Variants in PGAP2 observed in about 807,000 individuals in gnomAD.
PGAP2 encodes post-GPI attachment to proteins 2.
A neutral mutation model predicts 33.2 loss-of-function variants in PGAP2; 21 were observed. That is an observed-to-expected ratio of 0.63 (90% CI 0.45 to 0.91). The LOEUF (loss-of-function observed/expected upper bound fraction) is 0.91. PGAP2 is among the 40% of genes least tolerant of loss of function. The probability of loss-of-function intolerance (pLI) is 0.00; values close to 1 mark genes in which losing one functional copy is unlikely to be tolerated. For missense variants in PGAP2, 345 were observed against 424.0 expected, an observed-to-expected ratio of 0.81 and a Z score of 1.64; for synonymous variants, 161 against 172.9, an observed-to-expected ratio of 0.93 and a Z score of 0.54.
intron 5 of PGAP2, chr11:3,824,788 C>G (rs2089703794): frequency 2.1e-6 from 3 of 1,431,934 alleles, no homozygotes; most frequent in Non-Finnish European, 2.7e-6. Context: ...TACTCCATCC[C>G]CCTGAAGTGG....
intron 3 of PGAP2, among the ~76,000 whole-genome samples, chr11:3,822,047 A>T (rs1446469794): frequency 6.6e-6 from 1 of 151,254 alleles, no homozygotes; most frequent in East Asian, 2.0e-4. Context: ...AACCGAAGTG[A>T]GACCCTGTCT....
chr11:3,811,993 G>T lies in PGAP2; in HGVS notation c.165+569G>T, dbSNP rs2134386936. Among the ~76,000 whole-genome samples, 2 of 152,254 alleles carry T rather than the reference G, an allele frequency of 1.3e-5. No individual in the cohort carries two copies. On this transcript the variant is annotated intron_variant, in intron 2 of 6. Transcript: ENST00000278243. The surrounding 1 kb of genome is among the most constrained non-coding windows in gnomAD (Gnocchi z 4.6). ...GTTTGAGTGGGTCGTGTGTGAGAGA[G>T]ACTATATCTGTGCCTGTCTGTATGG...
At chr11:3,814,834 TTTTCCTTCTTTC>T (rs2086612636) in intron 2 of PGAP2, among the ~76,000 whole-genome samples, 2 of 149,602 alleles carry the variant, frequency 1.3e-5, no homozygotes, top group African/African-American at 2.4e-5. Context: ...TTTTTTCTTT[TTTTCCTTCTTTC>T]TTTCCTTCTT....
At chr11:3,805,257 TTC>T (rs1301560850), upstream of PGAP2, among the ~76,000 whole-genome samples, 2 of 148,114 alleles carry the variant, frequency 1.4e-5, no homozygotes, top group African/African-American at 5.0e-5. Flanking sequence ...GATGTGGATA[TTC>T]TTTTTTTTTT....
chr11:3,810,042 C>T (rs1363108811), intron 1 of PGAP2, among the ~76,000 whole-genome samples: 1 of 152,168 alleles, frequency 6.6e-6, no homozygotes, highest in African/African-American at 2.4e-5. Flanking sequence ...TGGAGCCAGC[C>T]CTAGCTTGGC....
intron 2 of PGAP2, among the ~76,000 whole-genome samples, chr11:3,813,538 C>A (rs1045646478): frequency 6.6e-6 from 1 of 152,138 alleles, no homozygotes; most frequent in Non-Finnish European, 1.5e-5. Flanking sequence ...TATGCACAAC[C>A]ATGCCCAGCT....
chr11:3,823,741 G>T (rs749027736), intron 3 of PGAP2, 142 bp from the exon 4 acceptor site: 1 of 1,598,650 alleles, frequency 6.3e-7, no homozygotes, highest in South Asian at 1.1e-5. Flanking sequence ...TTTGGGAGAG[G>T]TATGGGGACA....
At chr11:3,803,349 G>A (rs563478214) in intron 1 of PGAP2, among the ~76,000 whole-genome samples, 12 of 146,268 alleles carry the variant, frequency 8.2e-5, no homozygotes, top group South Asian at 2.2e-4. Context: ...GGATGGTCTC[G>A]ATCTCCTGAC....
At position 3,809,895 on chromosome 11, in the gene PGAP2, AG is replaced by A. The variant is rs1379467727; in HGVS notation, c.-11+1246del. Among the ~76,000 whole-genome samples, 8 of 152,248 alleles carry A rather than the reference AG, an allele frequency of 5.3e-5. 1 individual carries two copies. ...GCCACCTGGCTTGTTCTGGAATGCC[AG>A]GATGGCAACCTAACTGAGATCAGGG... On this transcript the variant is annotated intron_variant, in intron 1 of 6. Transcript: ENST00000278243.
intron 2 of PGAP2, among the ~76,000 whole-genome samples, chr11:3,814,586 T>C (rs1281180934): frequency 6.6e-6 from 1 of 151,918 alleles, no homozygotes. Context: ...CTTCTTTTTT[T>C]TCTTTTAACA....
intron 1 of PGAP2, chr11:3,798,024 G>T: frequency 6.5e-7 from 1 of 1,536,934 alleles, no homozygotes; most frequent in Non-Finnish European, 8.8e-7. Flanking sequence ...CGCCGGCGCT[G>T]CTGGGAAGGC....
chr11:3,815,017 G>A (rs150835141), intron 2 of PGAP2, among the ~76,000 whole-genome samples: 4,882 of 148,418 alleles, frequency 0.033, 283 homozygotes, highest in African/African-American at 0.11. Context: ...GGCTCACTGC[G>A]ACCTCTGCCT....
At position 3,823,906 on chromosome 11, in the gene PGAP2, G is replaced by T; in HGVS notation, c.372G>T (p.Val124=). Residue 124 remains valine (V), a synonymous_variant, in exon 4 of 7, where the codon GTG becomes GTT. Coordinates refer to ENST00000278243, the MANE Select transcript of PGAP2 (RefSeq NM_014489.4). ...DCGVPNYLPS[V]SSAIGGEVPQ... ...AGGTGCCCAATTACCTGCCCTCGGT[G>T]AGCTCAGCCATCGGCGGGGAGGTGC... The T allele has an allele frequency of 6.2e-7, 1 of 1,605,392 alleles. No homozygotes were observed.
At chr11:3,797,895 C>A (rs1473173930) in exon 1 of PGAP2, 2 of 1,549,092 alleles carry the variant, frequency 1.3e-6, no homozygotes, top group Non-Finnish European at 8.7e-7. Flanking sequence ...GGTGACGCAA[C>A]ATAGAGACTC....
intron 2 of PGAP2, among the ~76,000 whole-genome samples, chr11:3,815,455 C>T (rs2086799675): frequency 6.6e-6 from 1 of 152,112 alleles, no homozygotes; most frequent in South Asian, 2.1e-4. Context: ...ATTACAGGCA[C>T]ACCGCCACCA....
chr11:3,800,681 A>G (rs1324221207), intron 1 of PGAP2, among the ~76,000 whole-genome samples: 2 of 151,572 alleles, frequency 1.3e-5, no homozygotes, highest in African/African-American at 4.9e-5. Context: ...GCGTGGTGGC[A>G]CATACCTGTA....
chr11:3,811,120 G>T lies in PGAP2; in HGVS notation c.-10-130G>T. On this transcript the variant is annotated intron_variant, in intron 1 of 6. Coordinates refer to ENST00000278243, the MANE Select transcript of PGAP2 (RefSeq NM_014489.4). The surrounding 1 kb of genome is among the most constrained non-coding windows in gnomAD (Gnocchi z 4.6). ...CAGGGCAAGAGCTATCCAAGTTTAG[G>T]TGCCTTCCTCCTCAGACTCCCCACC... 1 of 708,622 alleles carries T rather than the reference G, an allele frequency of 1.4e-6. No homozygotes were observed. The highest frequency in any genetic ancestry group is 2.0e-5 in the South Asian group (1 of 50,760). The allele number at this position is 708,622 out of a possible 1,614,324, so 43.9% of individuals were successfully genotyped here.
intron 3 of PGAP2, chr11:3,817,933 C>G: frequency 2.3e-6 from 1 of 443,916 alleles, no homozygotes. Context: ...GTAGTCCCAG[C>G]TACTTGGGAG....
At chr11:3,797,981 T>C (rs2134039379) in exon 1 of PGAP2, 3 of 1,545,716 alleles carry the variant, frequency 1.9e-6, no homozygotes, top group Non-Finnish European at 2.6e-6. Flanking sequence ...CAGAATGGCA[T>C]GGTAACTATT....
Sources: gnomAD v4.1 joint callset for allele counts (sites outside exome capture counted in the v4.1 genomes callset) on GRCh38, gnomAD v4.1.1 for gene constraint, Gnocchi (gnomAD v3.1) non-coding constraint, MANE v1.5 for transcripts, NCBI Gene and HGNC (gene_info 2026-07-23, HGNC 2026-07-21) for gene names.